SNTG1: variants seen among roughly 807,000 people sequenced by gnomAD.
SNTG1 encodes the protein syntrophin gamma 1.
Under a neutral mutation model 74.7 loss-of-function variants are expected in SNTG1, and 39 were observed. That is an observed-to-expected ratio of 0.52 (90% CI 0.40 to 0.68). The LOEUF (loss-of-function observed/expected upper bound fraction) is 0.68. Ranked by LOEUF, SNTG1 falls within the 30% of genes least tolerant of loss-of-function variation. The pLI, the probability that SNTG1 is intolerant of heterozygous loss-of-function variation, is 0.00. For missense variants in SNTG1, 685 were observed against 609.5 expected (o/e 1.12, Z -1.30); for synonymous variants, 254 against 217.1 (o/e 1.17, Z -1.49).
intron 2 of SNTG1, among the ~76,000 whole-genome samples, chr8:50,255,689 C>T (rs2129982455): frequency 1.3e-5 from 2 of 152,244 alleles, no homozygotes; most frequent in East Asian, 3.9e-4. Flanking sequence ...GTCTAAATGT[C>T]TCCTTTTTAT....
chr8:50,256,670 T>C (rs900227502), intron 2 of SNTG1, among the ~76,000 whole-genome samples: 1 of 152,068 alleles, frequency 6.6e-6, no homozygotes, highest in African/African-American at 2.4e-5. Context: ...AAGAAAGTTA[T>C]TGTAACTTAG....
intron 2 of SNTG1, among the ~76,000 whole-genome samples, chr8:50,190,328 C>T (rs870754): frequency 0.27 from 41,459 of 152,006 alleles, 5,769 homozygotes; most frequent in South Asian, 0.38. Context: ...TTGAGGAGAA[C>T]AGTCAGAACA....
intron 2 of SNTG1, among the ~76,000 whole-genome samples, chr8:50,284,902 C>A (rs2130479863): frequency 6.6e-6 from 1 of 152,040 alleles, no homozygotes. Flanking sequence ...TTGCAAAAAG[C>A]AACTTATCAA....
intron 2 of SNTG1, among the ~76,000 whole-genome samples, chr8:50,233,614 G>T (rs1427821482): frequency 6.6e-6 from 1 of 151,150 alleles, no homozygotes; most frequent in Non-Finnish European, 1.5e-5. Flanking sequence ...GAAGATGAAA[G>T]ACAAGCCACA....
intron 2 of SNTG1, among the ~76,000 whole-genome samples, chr8:50,227,793 G>T (rs2085410428): frequency 6.6e-6 from 1 of 151,190 alleles, no homozygotes; most frequent in African/African-American, 2.4e-5. Context: ...CCATAACTGA[G>T]AAAGTATTTA....
At position 50,168,663 on chromosome 8, in the gene SNTG1, A is replaced by G. The variant is rs566327251; in HGVS notation, c.-102-3898A>G. Reference sequence around the variant, plus strand: ...ATAAGAAGTGGAGCATGACAACTGTAGTACACATGGTTTTTACTATATTTG... The same window carrying G: ...ATAAGAAGTGGAGCATGACAACTGTGGTACACATGGTTTTTACTATATTTG... On this transcript the variant is annotated intron_variant, in intron 1 of 18. Transcript: ENST00000642720. Among the ~76,000 whole-genome samples the G allele has an allele frequency of 5.3e-5, 8 of 152,346 alleles. No individual in the cohort carries two copies. The South Asian group carries it at 1.7e-3, about 32-fold the overall frequency.
intron 2 of SNTG1, among the ~76,000 whole-genome samples, chr8:50,296,770 A>G (rs1185492614): frequency 1.3e-5 from 2 of 152,232 alleles, no homozygotes; most frequent in Non-Finnish European, 2.9e-5. Context: ...CCCAGAATTT[A>G]AGTAAAATAA....
chr8:50,681,479 A>G (rs1033133621), intron 15 of SNTG1, among the ~76,000 whole-genome samples: 3 of 152,212 alleles, frequency 2.0e-5, no homozygotes, highest in South Asian at 2.1e-4. Context: ...ATAATTTTAT[A>G]TAGTTTAAAA....
At chr8:50,584,232 T>C (rs1353271297) in intron 12 of SNTG1, among the ~76,000 whole-genome samples, 1 of 143,108 alleles carries the variant, frequency 7.0e-6, no homozygotes, top group Non-Finnish European at 1.5e-5. Flanking sequence ...GCAATAAATG[T>C]ATGTGTGCAT....
At chr8:50,237,901 C>T (rs1158112683) in intron 2 of SNTG1, among the ~76,000 whole-genome samples, 2 of 152,074 alleles carry the variant, frequency 1.3e-5, no homozygotes, top group Admixed American at 6.6e-5. Flanking sequence ...AAACTCTGGG[C>T]ACTCTGGCTA....
intron 2 of SNTG1, among the ~76,000 whole-genome samples, chr8:50,297,368 CA>C (rs1219616279): frequency 1.3e-5 from 2 of 152,176 alleles, no homozygotes; most frequent in African/African-American, 4.8e-5. Flanking sequence ...TTTACAATTT[CA>C]CAGATAGATG....
chr8:50,491,691 G>A (rs1031738356), intron 8 of SNTG1, among the ~76,000 whole-genome samples: 4 of 149,738 alleles, frequency 2.7e-5, no homozygotes, highest in African/African-American at 9.8e-5. Context: ...CTGTGATCCA[G>A]AACTTATTTA....
chr8:50,440,814 G>A (rs1001726761), intron 5 of SNTG1, among the ~76,000 whole-genome samples: 1 of 152,196 alleles, frequency 6.6e-6, no homozygotes, highest in African/African-American at 2.4e-5. Flanking sequence ...ATTTACCAAT[G>A]TAGTTAAGAC....
intron 12 of SNTG1, among the ~76,000 whole-genome samples, chr8:50,587,218 A>G (rs1002318428): frequency 6.6e-6 from 1 of 151,706 alleles, no homozygotes; most frequent in Admixed American, 6.6e-5. Flanking sequence ...ATGTATATAC[A>G]TATATGTAGG....
At chr8:49,946,141 T>C (rs1044535468) in intron 1 of SNTG1, among the ~76,000 whole-genome samples, 1 of 152,172 alleles carries the variant, frequency 6.6e-6, no homozygotes, top group Non-Finnish European at 1.5e-5. Flanking sequence ...TATTTATAAA[T>C]GTAGGAAGTA....
chr8:50,153,011 G>T (rs148810478), intron 1 of SNTG1, among the ~76,000 whole-genome samples: 1 of 152,110 alleles, frequency 6.6e-6, no homozygotes, highest in Non-Finnish European at 1.5e-5. Flanking sequence ...TTCCAACTTG[G>T]TTCTATTCTC....
At chr8:50,428,341 A>G (rs924643027) in intron 4 of SNTG1, among the ~76,000 whole-genome samples, 2 of 152,100 alleles carry the variant, frequency 1.3e-5, no homozygotes, top group Non-Finnish European at 2.9e-5. Context: ...AAAAGAATAG[A>G]ACAGGGGATG....
intron 2 of SNTG1, among the ~76,000 whole-genome samples, chr8:50,269,213 A>G (rs1160421002): frequency 1.3e-5 from 2 of 152,224 alleles, no homozygotes; most frequent in Non-Finnish European, 2.9e-5. Flanking sequence ...TGATTCATAA[A>G]AGGAAGAATT....
At chr8:50,715,956 C>T (rs1230464634) in intron 17 of SNTG1, among the ~76,000 whole-genome samples, 2 of 152,294 alleles carry the variant, frequency 1.3e-5, no homozygotes, top group African/African-American at 4.8e-5. Context: ...TTTCTAGAAT[C>T]TTTCAAGGTA....
Sources: allele counts gnomAD v4.1 joint callset (sites outside exome capture counted in the v4.1 genomes callset), GRCh38; gene constraint gnomAD v4.1.1; transcripts MANE v1.5; gene names NCBI Gene and HGNC (gene_info 2026-07-23, HGNC 2026-07-21).